Variants in PCDHAC2 observed in about 807,000 individuals in gnomAD.
PCDHAC2 encodes protocadherin alpha subfamily C, 2, also known as protocadherin alpha-C2.
PCDHAC2 carries 24 observed loss-of-function variants against 63.3 expected under a neutral mutation model. That is an observed-to-expected ratio of 0.38 (90% CI 0.27 to 0.53). The LOEUF (loss-of-function observed/expected upper bound fraction) is 0.53. Ranked by LOEUF, PCDHAC2 falls within the 20% of genes least tolerant of loss-of-function variation. PCDHAC2 has a pLI of 0.81. For missense variants in PCDHAC2, 1,181 were observed against 1,275.2 expected (o/e 0.93, Z 1.12); for synonymous variants, 569 against 529.4 (o/e 1.07, Z -1.03).
rs999939821 is a variant in PCDHAC2, at chr5:140,972,909, G to A, written c.2565+3578G>A. ...GATCTCTTGACCTTGTGATCCACCC[G>A]CCTTGGCCTCCCAAAGTGCTGGGAT... is the stretch of plus-strand genomic sequence containing the variant. On this transcript the variant is annotated intron_variant, in intron 1 of 3. Transcript: ENST00000289269. 5.3e-4 allele frequency among the ~76,000 whole-genome samples: 80 copies of A among 152,056 alleles called. 1 individual carries two copies. Among genetic ancestry groups the A allele is most frequent in the African/African-American group, 1.8e-3 (75 of 41,484 alleles).
rs1481597194 is a variant in PCDHAC2 at position 140,969,305 on chromosome 5, A to C, written c.2539A>C (p.Lys847Gln). 1 of 1,614,206 alleles carries C rather than the reference A, an allele frequency of 6.2e-7. No homozygotes were observed. The highest frequency in any genetic ancestry group is 2.2e-5 in the East Asian group (1 of 44,884). ...GAATGCTGGGAACCTGATTATTCTC[A>C]AAAATGAGGCTGTTTCTCAAAATGA... ...GQNAGNLIILKNEAVSQNEPR... is the reference protein window; with the variant it reads ...GQNAGNLIILQNEAVSQNEPR... The change falls in exon 1 of 4, where the codon AAA (lysine) becomes CAA (glutamine). Residue 847 changes from lysine to glutamine, a missense_variant. By Grantham distance (53) the Lys-to-Gln change is moderately conservative (BLOSUM62 1). Coordinates refer to ENST00000289269, the MANE Select transcript of PCDHAC2 (RefSeq NM_018899.6).
chr5:140,966,835 G>A lies in PCDHAC2; in HGVS notation c.69G>A (p.Leu23=). 6.4e-6 allele frequency: 10 copies of A among 1,564,886 alleles called. No individual in the cohort carries two copies. Among genetic ancestry groups the A allele is most frequent in the Non-Finnish European group, 7.8e-6 (9 of 1,159,256 alleles). Residue 23 remains leucine (L), a synonymous_variant, in exon 1 of 4, where the codon CTG becomes CTA. Coordinates refer to ENST00000289269, the MANE Select transcript of PCDHAC2 (RefSeq NM_018899.6). ...GGCTCCGGCGGCCCATGCCCTGGCT[G>A]CTGCTACTGCCTCTCCTGCTGCTGT... ...HPRLRRPMPW[L]LLLPLLLLLL...
chr5:141,010,129 G>A lies in PCDHAC2; in HGVS notation c.*192G>A, dbSNP rs781919488. The A allele has an allele frequency of 3.7e-6, 6 of 1,601,792 alleles. No individual in the cohort carries two copies. The highest frequency in any genetic ancestry group is 5.1e-6 in the Non-Finnish European group (6 of 1,173,386). On this transcript the variant is annotated 3_prime_UTR_variant, in exon 4 of 4. Coordinates refer to ENST00000289269, the MANE Select transcript of PCDHAC2 (RefSeq NM_018899.6). Reference sequence around the variant, plus strand: ...TGTCGTAAAAGCTTTACTAAGTCTGGTGTTAACTCTTTCTCTCCACTCTGG... The same window carrying A: ...TGTCGTAAAAGCTTTACTAAGTCTGATGTTAACTCTTTCTCTCCACTCTGG...
intron 3 of PCDHAC2, among the ~76,000 whole-genome samples, chr5:141,005,089 A>C (rs1554259886): frequency 6.6e-6 from 1 of 152,244 alleles, no homozygotes; most frequent in Non-Finnish European, 1.5e-5. Context: ...TTAGTACTTT[A>C]CATGCATTAC....
intron 1 of PCDHAC2, among the ~76,000 whole-genome samples, chr5:140,977,932 C>T (rs2096781582): frequency 6.6e-6 from 1 of 151,944 alleles, no homozygotes; most frequent in Non-Finnish European, 1.5e-5. Flanking sequence ...TCAACTATAC[C>T]TCAATATTCA....
At position 141,005,925 on chromosome 5, in the gene PCDHAC2, T is replaced by C. The variant is rs368127914; in HGVS notation, c.2714-3702T>C. On this transcript the variant is annotated intron_variant, in intron 3 of 3. Transcript: ENST00000289269. ...TTGCACCACTGCACTTCAGCCTGGT[T>C]GACAGAGTGAGAACCTATCTCTAAC... 4.1e-4 allele frequency among the ~76,000 whole-genome samples: 62 copies of C among 151,990 alleles called. 1 individual carries two copies. The highest frequency in any genetic ancestry group is 1.4e-3 in the African/African-American group (59 of 41,476).
intron 2 of PCDHAC2, chr5:140,982,222 A>C: frequency 3.5e-6 from 2 of 569,284 alleles, no homozygotes; most frequent in Non-Finnish European, 2.7e-6. Context: ...CATGGCGTTA[A>C]TAAAAAACAG....
In PCDHAC2 at chr5:140,968,523, A is replaced by G. The variant is rs1441549667; in HGVS notation, c.1757A>G (p.Asn586Ser). The G allele has an allele frequency of 8.1e-6, 13 of 1,613,762 alleles. No homozygotes were observed. Among genetic ancestry groups the G allele is most frequent in the African/African-American group, 1.3e-5 (1 of 74,798 alleles). The stretch of plus-strand genomic sequence containing the variant: ...CACATTCTGTACCCTACCTCAACCA[A>G]CTCGTCAGCAGCCTTCGAGATGGTG... ...APHILYPTSTNSSAAFEMVPR... is the reference protein window; with the variant it reads ...APHILYPTSTSSSAAFEMVPR... The change falls in exon 1 of 4, where the codon AAC becomes AGC. Residue 586 changes from asparagine (N) to serine (S), a missense_variant. Around this residue, in one of 3 missense-constraint regions of PCDHAC2, gnomAD observed 968 missense variants for 1,073.5 expected, o/e 0.90. Transcript: ENST00000289269.
At chr5:140,971,466 G>A (rs928383559) in intron 1 of PCDHAC2, among the ~76,000 whole-genome samples, 2 of 152,144 alleles carry the variant, frequency 1.3e-5, no homozygotes, top group Non-Finnish European at 2.9e-5. Flanking sequence ...GCAGTTATAG[G>A]GAGAGAGTGT....
intron 3 of PCDHAC2, among the ~76,000 whole-genome samples, chr5:141,007,315 C>A (rs1207897662): frequency 1.3e-5 from 2 of 148,308 alleles, no homozygotes; most frequent in Admixed American, 1.4e-4. Flanking sequence ...TTTTGGGAGG[C>A]TAAAGTGGAC....
chr5:140,998,910 A>T (rs1346967203), intron 3 of PCDHAC2, among the ~76,000 whole-genome samples: 1 of 152,230 alleles, frequency 6.6e-6, no homozygotes, highest in South Asian at 2.1e-4. Context: ...TCCGGGAGGT[A>T]GCTATTATAT....
intron 3 of PCDHAC2, among the ~76,000 whole-genome samples, chr5:140,987,219 A>G (rs1340141684): frequency 6.6e-6 from 1 of 151,240 alleles, no homozygotes; most frequent in African/African-American, 2.5e-5. Flanking sequence ...ATCTCAAAAA[A>G]AAAAAAAATA....
chr5:140,970,293 T>C (rs2096396195), intron 1 of PCDHAC2, among the ~76,000 whole-genome samples: 3 of 152,220 alleles, frequency 2.0e-5, no homozygotes, highest in Admixed American at 2.0e-4. Context: ...TTTCAAGTCC[T>C]TCATGTCTTT....
intron 3 of PCDHAC2, among the ~76,000 whole-genome samples, chr5:141,007,339 T>C (rs2098316015): frequency 6.9e-6 from 1 of 143,904 alleles, no homozygotes; most frequent in Non-Finnish European, 1.5e-5. Context: ...TTGCCTGAGC[T>C]CAGGAGTTCG....
intron 3 of PCDHAC2, among the ~76,000 whole-genome samples, chr5:140,992,665 T>A (rs1219714191): frequency 2.6e-5 from 4 of 152,096 alleles, no homozygotes; most frequent in Non-Finnish European, 5.9e-5. Context: ...CTGATTGGTG[T>A]GTATGTGTGT....
Position 140,968,348 on chromosome 5 carries a change from A to G in PCDHAC2, c.1582A>G (p.Ser528Gly), listed in dbSNP as rs782567344. ...VTSYVSINSA[S>G]GSLYAVNSFD... The stretch of plus-strand genomic sequence containing the variant: ...CTCCTATGTCTCCATTAACAGTGCC[A>G]GTGGCAGCCTTTATGCTGTCAACTC... The change falls in exon 1 of 4, where the codon AGT (serine) becomes GGT (glycine). Residue 528 changes from serine to glycine, a missense_variant. This residue lies in a region of PCDHAC2 where 968 missense variants were observed against 1,073.5 expected (regional missense o/e 0.90). Coordinates refer to ENST00000289269, the MANE Select transcript of PCDHAC2 (RefSeq NM_018899.6). 1 of 1,614,124 alleles carries G rather than the reference A, an allele frequency of 6.2e-7. No individual in the cohort carries two copies. The highest frequency in any genetic ancestry group is 2.2e-5 in the East Asian group (1 of 44,886).
intron 3 of PCDHAC2, among the ~76,000 whole-genome samples, chr5:140,984,358 A>G (rs1443365008): frequency 1.3e-5 from 2 of 152,234 alleles, no homozygotes; most frequent in Admixed American, 1.3e-4. Flanking sequence ...TATTTCATAC[A>G]TCTGGCCAAG....
rs1586162562 is a variant in PCDHAC2, at chr5:140,966,860, T to C, written c.94T>C (p.Leu32=). The C allele has an allele frequency of 3.2e-6, 5 of 1,577,484 alleles. No homozygotes were observed. Among genetic ancestry groups the C allele is most frequent in the East Asian group, 2.3e-5 (1 of 43,024 alleles). ...GCTGCTACTGCCTCTCCTGCTGCTGTTGCTGCTGCTGCTACCTGGCCCTGC... is the reference window on the plus strand; with the variant it reads ...GCTGCTACTGCCTCTCCTGCTGCTGCTGCTGCTGCTGCTACCTGGCCCTGC... The part of the protein sequence containing the change: ...WLLLLPLLLL[L]LLLLPGPAAS... Residue 32 remains leucine, a synonymous_variant, in exon 1 of 4, where the codon TTG becomes CTG. Transcript: ENST00000289269.
At chr5:140,979,211 A>G (rs1241898337) in intron 2 of PCDHAC2, among the ~76,000 whole-genome samples, 18 of 152,222 alleles carry the variant, frequency 1.2e-4, no homozygotes, top group Admixed American at 7.9e-4. Context: ...GTGCTGGCAT[A>G]TAAGAGTCCT....
Sources: allele counts gnomAD v4.1 joint callset (sites outside exome capture counted in the v4.1 genomes callset), GRCh38; gene constraint gnomAD v4.1.1; regional missense constraint gnomAD v4.1.1; transcripts MANE v1.5; gene names NCBI Gene and HGNC (gene_info 2026-07-23, HGNC 2026-07-21).